LCLAT1: variants seen among roughly 807,000 people sequenced by gnomAD.
The protein encoded by LCLAT1 is 1-AGP acyltransferase 8.
In LCLAT1, 11 loss-of-function variants were observed where a neutral mutation model predicts 30.7. The ratio of observed to expected loss-of-function variants is 0.36; its 90% CI spans 0.23 to 0.59. LCLAT1 has a LOEUF of 0.59. Among genes scored for constraint, LCLAT1 ranks in the 20% least tolerant of loss-of-function variants. The pLI, the probability that LCLAT1 is intolerant of heterozygous loss-of-function variation, is 0.77. For synonymous variants in LCLAT1, 155 were observed against 151.3 expected, an observed-to-expected ratio of 1.02 and a Z score of -0.18; for missense variants, 402 against 458.6, an observed-to-expected ratio of 0.88 and a Z score of 1.13.
intron 5 of LCLAT1, among the ~76,000 whole-genome samples, chr2:30,579,721 G>C (rs1181434835): frequency 6.6e-6 from 1 of 152,144 alleles, no homozygotes; most frequent in Non-Finnish European, 1.5e-5. Flanking sequence ...AGTCTTAGTT[G>C]TCATGAAGTC....
intron 1 of LCLAT1, among the ~76,000 whole-genome samples, chr2:30,482,506 T>A (rs1271632348): frequency 6.6e-6 from 1 of 152,184 alleles, no homozygotes; most frequent in Non-Finnish European, 1.5e-5. Flanking sequence ...ATACGTAACT[T>A]CCTTGGTCTT....
rs552055678 is a variant in LCLAT1 at position 30,571,073 on chromosome 2, G to T, written c.628+2897G>T. 3.0e-4 allele frequency among the ~76,000 whole-genome samples: 45 copies of T among 152,228 alleles called. 1 individual carries two copies. In the South Asian group the frequency reaches 8.1e-3, roughly 27 times the overall value. ...TTGAGATCATCATATAGATTTATTT[G>T]AGTTTTAGGTTTGAAATACTTGTTT... is the stretch of plus-strand genomic sequence containing the variant. On this transcript the variant is annotated intron_variant, in intron 5 of 5. Coordinates refer to ENST00000379509, the MANE Select transcript of LCLAT1 (RefSeq NM_001002257.3).
intron 1 of LCLAT1, among the ~76,000 whole-genome samples, chr2:30,492,183 A>G (rs377519324): frequency 3.9e-5 from 6 of 152,222 alleles, no homozygotes; most frequent in African/African-American, 1.4e-4. Context: ...GAAATAAGAC[A>G]TACATGAAAA....
chr2:30,531,120 C>G (rs1685963590), intron 2 of LCLAT1, among the ~76,000 whole-genome samples: 3 of 152,006 alleles, frequency 2.0e-5, no homozygotes, highest in Admixed American at 2.0e-4. Context: ...AAAATATTAG[C>G]TGGGTGTGGT....
intron 4 of LCLAT1, among the ~76,000 whole-genome samples, chr2:30,565,378 A>T (rs927402172): frequency 6.6e-6 from 1 of 152,004 alleles, no homozygotes; most frequent in Non-Finnish European, 1.5e-5. Context: ...GATGGGGCCT[A>T]CTCCCATTGT....
At chr2:30,482,085 T>C (rs1683348664) in intron 1 of LCLAT1, among the ~76,000 whole-genome samples, 1 of 152,214 alleles carries the variant, frequency 6.6e-6, no homozygotes, top group Non-Finnish European at 1.5e-5. Context: ...GAAGTAATTA[T>C]AAGCCTTGAA....
intron 5 of LCLAT1, among the ~76,000 whole-genome samples, chr2:30,568,906 TAAAC>T (rs1459134153): frequency 6.7e-6 from 1 of 149,376 alleles, no homozygotes; most frequent in African/African-American, 2.5e-5. Context: ...TCTTATCACT[TAAAC>T]TAACCATATG....
At chr2:30,473,919 G>A (rs1237539518) in intron 1 of LCLAT1, among the ~76,000 whole-genome samples, 2 of 152,150 alleles carry the variant, frequency 1.3e-5, no homozygotes, top group African/African-American at 2.4e-5. Flanking sequence ...GTTTACATGG[G>A]CAGTGGACCT....
chr2:30,558,670 A>G (rs1665050855), intron 3 of LCLAT1, among the ~76,000 whole-genome samples: 1 of 151,958 alleles, frequency 6.6e-6, no homozygotes, highest in Non-Finnish European at 1.5e-5. Flanking sequence ...CTACACATGA[A>G]TTCTAATGGC....
At chr2:30,448,272 G>T (rs554763052) in intron 1 of LCLAT1, among the ~76,000 whole-genome samples, 1 of 152,146 alleles carries the variant, frequency 6.6e-6, no homozygotes, top group South Asian at 2.1e-4. Flanking sequence ...TAACTTATTT[G>T]TTCAAAGAAA....
chr2:30,556,011 G>T (rs1347746218), intron 3 of LCLAT1, among the ~76,000 whole-genome samples: 1 of 151,908 alleles, frequency 6.6e-6, no homozygotes, highest in Non-Finnish European at 1.5e-5. Context: ...AGCCAGGATG[G>T]TCTCAATCTC....
At chr2:30,454,467 T>TA (rs1459348345) in intron 1 of LCLAT1, among the ~76,000 whole-genome samples, 2 of 152,132 alleles carry the variant, frequency 1.3e-5, no homozygotes, top group Non-Finnish European at 2.9e-5. Context: ...TATTTTTTAA[T>TA]AGAGACAGGG....
At chr2:30,601,389 G>A (rs1667177071) in intron 5 of LCLAT1, among the ~76,000 whole-genome samples, 1 of 152,162 alleles carries the variant, frequency 6.6e-6, no homozygotes, top group Non-Finnish European at 1.5e-5. Context: ...CATGCCAAGA[G>A]CTGTTGTAAT....
intron 1 of LCLAT1, among the ~76,000 whole-genome samples, chr2:30,470,542 A>T (rs924890890): frequency 6.6e-6 from 1 of 152,352 alleles, no homozygotes; most frequent in African/African-American, 2.4e-5. Context: ...GGCTTGGCCT[A>T]TGTGCAGGAA....
intron 5 of LCLAT1, among the ~76,000 whole-genome samples, chr2:30,620,499 A>G (rs1248132181): frequency 1.3e-5 from 2 of 152,224 alleles, no homozygotes; most frequent in Admixed American, 6.5e-5. Flanking sequence ...CCTATTTTCC[A>G]TAGGAACCTG....
intron 3 of LCLAT1, among the ~76,000 whole-genome samples, chr2:30,560,917 G>C (rs1271404886): frequency 6.6e-6 from 1 of 152,080 alleles, no homozygotes; most frequent in East Asian, 1.9e-4. Context: ...GCTTTGGGGG[G>C]CTTTTGCCCT....
intron 2 of LCLAT1, among the ~76,000 whole-genome samples, chr2:30,528,598 T>G (rs944251118): frequency 2.0e-5 from 3 of 152,176 alleles, no homozygotes; most frequent in Non-Finnish European, 2.9e-5. Flanking sequence ...ATAGTACAAT[T>G]TTGGGAGAAG....
intron 5 of LCLAT1, among the ~76,000 whole-genome samples, chr2:30,595,374 A>G (rs1172881192): frequency 6.6e-6 from 1 of 152,052 alleles, no homozygotes; most frequent in African/African-American, 2.4e-5. Flanking sequence ...CAGATCACTA[A>G]TGTCTTGAGT....
intron 1 of LCLAT1, among the ~76,000 whole-genome samples, chr2:30,461,914 G>A (rs1400710752): frequency 6.6e-6 from 1 of 151,176 alleles, no homozygotes; most frequent in Non-Finnish European, 1.5e-5. Flanking sequence ...GGGACTACAG[G>A]CGCCCGCCAC....
Sources: allele counts gnomAD v4.1 joint callset (sites outside exome capture counted in the v4.1 genomes callset), GRCh38; gene constraint gnomAD v4.1.1; transcripts MANE v1.5; gene names NCBI Gene and HGNC (gene_info 2026-07-23, HGNC 2026-07-21).